GCNT2: variants seen among roughly 807,000 people sequenced by gnomAD.
GCNT2 encodes the protein glucosaminyl (N-acetyl) transferase 2 (I blood group).
GCNT2 carries 34 observed loss-of-function variants against 34.2 expected under a neutral mutation model. The observed-to-expected ratio is 1.00, with a 90% CI of 0.76 to 1.32. The LOEUF (loss-of-function observed/expected upper bound fraction) is 1.32, where lower values mean the gene tolerates loss of function less well. Among genes scored for constraint, GCNT2 ranks in the 40% most tolerant of loss-of-function variants. The pLI is 0.00. For synonymous variants in GCNT2, 212 were observed against 188.0 expected, an observed-to-expected ratio of 1.13 and a Z score of -1.04; for missense variants, 584 against 489.4, an observed-to-expected ratio of 1.19 and a Z score of -1.82.
At position 10,617,683 on chromosome 6, in the gene GCNT2, C is replaced by T. The variant is rs1765842568; in HGVS notation, c.926-3668C>T. On this transcript the variant is annotated intron_variant, in intron 3 of 4. Coordinates refer to ENST00000495262, the MANE Select transcript of GCNT2 (RefSeq NM_145649.5). ...GCTCTGGTTCACAGGCCTCTGACAC[C>T]TCAGCCTCCCAAAGTGCTGGGACCA... Among the ~76,000 whole-genome samples the T allele has an allele frequency of 2.0e-5, 3 of 152,146 alleles. No individual in the cohort carries two copies. In the South Asian group the frequency reaches 6.2e-4, roughly 32 times the overall value.
intron 4 of GCNT2, among the ~76,000 whole-genome samples, chr6:10,623,756 T>C (rs554320001): frequency 6.6e-6 from 1 of 152,306 alleles, no homozygotes; most frequent in Non-Finnish European, 1.5e-5. Flanking sequence ...ACAGCTAGGA[T>C]TTTTGACCAG....
intron 3 of GCNT2, among the ~76,000 whole-genome samples, chr6:10,618,437 GAGTA>G (rs1765888464): frequency 6.6e-6 from 1 of 152,194 alleles, no homozygotes. Flanking sequence ...ATCTGTTTCT[GAGTA>G]AGAGTCAGTT....
chr6:10,547,791 A>G (rs1762331304), intron 3 of GCNT2, among the ~76,000 whole-genome samples: 1 of 152,136 alleles, frequency 6.6e-6, no homozygotes, highest in Admixed American at 6.5e-5. Context: ...TTGACATTCA[A>G]CTATTAGGTA....
intron 3 of GCNT2, among the ~76,000 whole-genome samples, chr6:10,539,892 A>G (rs573059948): frequency 6.6e-6 from 1 of 152,338 alleles, no homozygotes; most frequent in South Asian, 2.1e-4. Flanking sequence ...AGCCTAGGCA[A>G]CATAGTGAAA....
At chr6:10,533,885 G>A (rs910642532) in intron 3 of GCNT2, among the ~76,000 whole-genome samples, 7 of 148,560 alleles carry the variant, frequency 4.7e-5, no homozygotes, top group African/African-American at 1.5e-4. Context: ...CTGTGGCTGC[G>A]ACCACAGGCA....
At chr6:10,556,037 A>G (rs1762683706) in intron 3 of GCNT2, 1 of 1,028,688 alleles carries the variant, frequency 9.7e-7, no homozygotes, top group Non-Finnish European at 1.2e-6. Context: ...GGCAGTAACC[A>G]GGGGGCGGGG....
intron 3 of GCNT2, among the ~76,000 whole-genome samples, chr6:10,569,330 C>T (rs2127394315): frequency 6.7e-6 from 1 of 148,492 alleles, no homozygotes; most frequent in Non-Finnish European, 1.5e-5. Context: ...TATCTTTCAG[C>T]CATGTTTTCT....
At chr6:10,563,163 T>C (rs781013985) in intron 3 of GCNT2, among the ~76,000 whole-genome samples, 3 of 151,674 alleles carry the variant, frequency 2.0e-5, no homozygotes, top group Non-Finnish European at 4.4e-5. Flanking sequence ...TCCAAGAAAA[T>C]AAACAAATAA....
Position 10,621,443 on chromosome 6 carries a change from G to A in GCNT2, c.1018G>A (p.Gly340Ser), listed in dbSNP as rs568547927. The change falls in exon 4 of 5, where the codon GGC becomes AGC. Residue 340 changes from glycine to serine, a missense_variant and splice_region_variant. Gly to Ser is a moderately conservative substitution (Grantham distance 56, BLOSUM62 0). Transcript: ENST00000495262. ...DMEDRHGGCH[G>S]HYVHGICIYG... ...GGAAGACAGACACGGAGGCTGCCAC[G>A]GTGAGGCTCTCGTTCCATGCTTCTA... 2.8e-5 allele frequency: 44 copies of A among 1,599,896 alleles called. No homozygotes were observed. The highest frequency in any genetic ancestry group is 3.5e-5 in the Non-Finnish European group (41 of 1,167,326).
chr6:10,556,191 C>T lies in GCNT2; in HGVS notation c.925+26355C>T. The T allele has an allele frequency of 6.4e-6, 9 of 1,396,394 alleles. 1 individual carries two copies. In the South Asian group the frequency reaches 9.4e-5, roughly 15 times the overall value. The allele number at this position is 1,396,394 out of a possible 1,614,324, so 86.5% of individuals were successfully genotyped here. A position where few individuals can be genotyped will look rare whatever the true frequency, so the allele number is the denominator to read the frequency against. On this transcript the variant is annotated intron_variant, in intron 3 of 4. Transcript: ENST00000495262. Reference sequence around the variant, plus strand: ...AAGGCTGGGCTTCAGCAACCTGCCACGGGGATTTAAACAAAGGAGGTTTGA... The same window carrying T: ...AAGGCTGGGCTTCAGCAACCTGCCATGGGGATTTAAACAAAGGAGGTTTGA...
At position 10,529,394 on chromosome 6, in the gene GCNT2, TG is replaced by T; in HGVS notation, c.489del (p.Ile164SerfsTer8). ...CTTCCAAGAAGGAGTCGGTTGTCTA[TG>T]GGGGGATCTCCAGGCTCCAGGCTGA... ...LASKKESVVY[G>X]GISRLQADLN... On this transcript the variant is annotated frameshift_variant, in exon 3 of 5. Coordinates refer to ENST00000495262, the MANE Select transcript of GCNT2 (RefSeq NM_145649.5). LOFTEE classifies it high-confidence loss of function. The T allele has an allele frequency of 1.9e-6, 3 of 1,614,040 alleles. No homozygotes were observed. Among genetic ancestry groups the T allele is most frequent in the Non-Finnish European group, 2.5e-6 (3 of 1,179,986 alleles).
chr6:10,617,754 T>C (rs1164034111), intron 3 of GCNT2, among the ~76,000 whole-genome samples: 10 of 34,582 alleles, frequency 2.9e-4, no homozygotes, highest in Middle Eastern at 0.015. Context: ...TTTCTTCTTT[T>C]TTTTTTTTTT....
intron 1 of GCNT2, among the ~76,000 whole-genome samples, chr6:10,523,851 T>C (rs1761047266): frequency 6.6e-6 from 1 of 151,282 alleles, no homozygotes; most frequent in African/African-American, 2.4e-5. Context: ...TGGGCGCCTG[T>C]AGTCCCAGCT....
chr6:10,543,131 C>T (rs1247513695), intron 3 of GCNT2, among the ~76,000 whole-genome samples: 4 of 151,786 alleles, frequency 2.6e-5, no homozygotes, highest in Non-Finnish European at 4.4e-5. Flanking sequence ...TGGTCTCAAA[C>T]GCCTGACCTC....
Position 10,585,624 on chromosome 6 carries a change from CA to C in GCNT2, c.926-35726del, listed in dbSNP as rs1434067409. On this transcript the variant is annotated intron_variant, in intron 3 of 4. Coordinates refer to ENST00000495262, the MANE Select transcript of GCNT2 (RefSeq NM_145649.5). ...GGGTGAAGCAAGAGAAACTCGGCTC[CA>C]GTGAAAAGGACCCATCATTGCATTC... 7 of 327,916 alleles carry C rather than the reference CA, an allele frequency of 2.1e-5. No individual in the cohort carries two copies. In the Admixed American group the frequency reaches 3.4e-4, roughly 16 times the overall value. 20.3% of individuals were successfully genotyped at this position (327,916 alleles called of 1,614,324 possible). A position where few individuals can be genotyped will look rare whatever the true frequency, so the allele number is the denominator to read the frequency against.
intron 3 of GCNT2, among the ~76,000 whole-genome samples, chr6:10,577,789 C>T (rs2127403555): frequency 6.6e-6 from 1 of 152,138 alleles, no homozygotes; most frequent in Admixed American, 6.5e-5. Context: ...GATCCACCTG[C>T]CTCAGCCTCC....
chr6:10,614,118 G>T (rs1358821041), intron 3 of GCNT2, among the ~76,000 whole-genome samples: 1 of 151,992 alleles, frequency 6.6e-6, no homozygotes, highest in East Asian at 1.9e-4. Flanking sequence ...GTACATTCAG[G>T]GTCTTCAATC....
chr6:10,578,391 TAAAA>T (rs55708119), intron 3 of GCNT2, among the ~76,000 whole-genome samples: 6 of 87,062 alleles, frequency 6.9e-5, no homozygotes, highest in Non-Finnish European at 9.5e-5. Context: ...TGTCTAAAAG[TAAAA>T]AAAAAAAAAA....
chr6:10,582,098 C>A (rs1764098613), intron 3 of GCNT2, among the ~76,000 whole-genome samples: 1 of 139,666 alleles, frequency 7.2e-6, no homozygotes, highest in Admixed American at 7.4e-5. Flanking sequence ...AAAAATATAT[C>A]TCTTAAAGTA....
Sources: allele counts gnomAD v4.1 joint callset (sites outside exome capture counted in the v4.1 genomes callset), GRCh38; gene constraint gnomAD v4.1.1; transcripts MANE v1.5; gene names NCBI Gene and HGNC (gene_info 2026-07-23, HGNC 2026-07-21).